Variants in PEAR1 observed in about 807,000 individuals in gnomAD.
PEAR1 encodes the protein multiple EGF-like domains protein 12.
PEAR1 carries 113 observed loss-of-function variants against 131.2 expected under a neutral mutation model. That is an observed-to-expected ratio of 0.86 (90% CI 0.74 to 1.01). The LOEUF (loss-of-function observed/expected upper bound fraction) is 1.01. Among genes scored for constraint, PEAR1 ranks in the 50% least tolerant of loss-of-function variants. The pLI, the probability that PEAR1 is intolerant of heterozygous loss-of-function variation, is 0.00. For synonymous variants in PEAR1, 565 were observed against 523.3 expected (o/e 1.08, Z -1.09); for missense variants, 1,408 against 1,391.1 (o/e 1.01, Z -0.19).
Position 156,913,488 on chromosome 1 carries a change from ACCG to A in PEAR1, c.2613_2615del (p.Arg872del). 1 of 1,613,182 alleles carries A rather than the reference ACCG, an allele frequency of 6.2e-7. No individual in the cohort carries two copies. Among genetic ancestry groups the A allele is most frequent in the Non-Finnish European group, 8.5e-7 (1 of 1,180,002 alleles). On this transcript the variant is annotated inframe_deletion, in exon 20 of 23. Coordinates refer to ENST00000292357, the MANE Select transcript of PEAR1 (RefSeq NM_001080471.3). ...ACCACCCTGCCTGCTGACTGGAAGC[ACCG>A]CCGGGAGCCCCCTCCAGGGCCTCTG...
At chr1:156,910,417 C>A in intron 14 of PEAR1, 37 bp downstream of exon 14, 1 of 1,562,878 alleles carries the variant, frequency 6.4e-7, no homozygotes, top group Non-Finnish European at 8.7e-7. Context: ...CTGCCACCAG[C>A]AGGGGGCAGT....
chr1:156,911,147 T>TCTTTC, intron 15 of PEAR1, among the ~76,000 whole-genome samples: 1 of 149,508 alleles, frequency 6.7e-6, no homozygotes, highest in African/African-American at 2.5e-5. Context: ...TTCTTTTCTT[T>TCTTTC]CTTTCTTTTT....
In PEAR1 at chr1:156,909,752, T is replaced by C. The variant is rs2103009214; in HGVS notation, c.1413T>C (p.Gly471=). ...PIDGECVCKE[G]WQRGNCSVPC... is the part of the protein sequence containing the mutation. Reference sequence around the variant, plus strand: ...CTACCTACCAGGCCCCTCCTCCAGGTTGGCAGCGTGGTAACTGCTCTGTGC... The same window carrying C: ...CTACCTACCAGGCCCCTCCTCCAGGCTGGCAGCGTGGTAACTGCTCTGTGC... The change falls in exon 12 of 23, where the codon GGT becomes GGC. Residue 471 remains glycine (G), a splice_region_variant and synonymous_variant. Transcript: ENST00000292357. 1 of 1,598,608 alleles carries C rather than the reference T, an allele frequency of 6.3e-7. No individual in the cohort carries two copies.
Position 156,906,713 on chromosome 1 carries a change from G to C in PEAR1, c.477G>C (p.Lys159Asn). ...GCAACAACAGCTCGTGTGATCCCAA[G>C]AGTGGGGTATGTTCTTGCCCTTCTG... Reference protein sequence around the residue: ...SCGNNSSCDPKSGVCSCPSGL... With the variant: ...SCGNNSSCDPNSGVCSCPSGL... The change falls in exon 6 of 23, where the codon AAG (lysine) becomes AAC (asparagine). Residue 159 changes from lysine (K) to asparagine (N), a missense_variant. Lys to Asn is a moderately conservative substitution (Grantham distance 94). Coordinates refer to ENST00000292357, the MANE Select transcript of PEAR1 (RefSeq NM_001080471.3). The C allele has an allele frequency of 6.2e-7, 1 of 1,614,226 alleles. No individual in the cohort carries two copies. Among genetic ancestry groups the C allele is most frequent in the Non-Finnish European group, 8.5e-7 (1 of 1,180,042 alleles).
intron 1 of PEAR1, among the ~76,000 whole-genome samples, chr1:156,898,568 G>A (rs1263735856): frequency 2.0e-5 from 3 of 152,200 alleles, no homozygotes; most frequent in Non-Finnish European, 4.4e-5. Context: ...CCCTGTGTAG[G>A]GAGGGAGGGG....
rs746147303 is a variant in PEAR1 at position 156,908,843 on chromosome 1, G to A, written c.1290+14G>A. 42 of 1,605,590 alleles carry A rather than the reference G, an allele frequency of 2.6e-5. No individual in the cohort carries two copies. Among genetic ancestry groups the A allele is most frequent in the Non-Finnish European group, 3.3e-5 (39 of 1,177,938 alleles). On this transcript the variant is annotated intron_variant, in intron 10 of 22. Coordinates refer to ENST00000292357, the MANE Select transcript of PEAR1 (RefSeq NM_001080471.3). This position sits in a 1 kb window ranked among gnomAD's most constrained non-coding sequence, Gnocchi z 4.2. ...CCGGGTTACACGGTGAGGCGCGCCC[G>A]GCTGCAAGGAAGCGAGGCAGGTGGA...
At position 156,913,901 on chromosome 1, in the gene PEAR1, T is replaced by C; in HGVS notation, c.2763T>C (p.Ser921=). 1 of 1,613,902 alleles carries C rather than the reference T, an allele frequency of 6.2e-7. No homozygotes were observed. The part of the protein sequence containing the change: ...ELGASVASLS[S]ENPYATIRDL... ...GGGCCAGTGTGGCTTCCCTGAGCAGTGAGAACCCATATGCCACCATCCGGG... is the reference window on the plus strand; with the variant it reads ...GGGCCAGTGTGGCTTCCCTGAGCAGCGAGAACCCATATGCCACCATCCGGG... Residue 921 remains serine, a synonymous_variant, in exon 22 of 23, where the codon AGT becomes AGC. Transcript: ENST00000292357.
Position 156,908,360 on chromosome 1 carries a change from G to A in PEAR1, c.1115+20G>A. 1.3e-6 allele frequency: 2 copies of A among 1,488,740 alleles called. No homozygotes were observed. Among genetic ancestry groups the A allele is most frequent in the African/African-American group, 1.4e-5 (1 of 72,424 alleles). The allele number at this position is 1,488,740 out of a possible 1,614,324, so 92.2% of individuals were successfully genotyped here. On this transcript the variant is annotated intron_variant, in intron 9 of 22. Coordinates refer to ENST00000292357, the MANE Select transcript of PEAR1 (RefSeq NM_001080471.3). The surrounding 1 kb of genome is among the most constrained non-coding windows in gnomAD (Gnocchi z 4.2). ...CCTCAGGTGGGCCGCGGGACATGTG[G>A]TCAAAGGATCAGGAGGCCAATGGGG... is the stretch of plus-strand genomic sequence containing the variant.
chr1:156,914,794 G>C lies in PEAR1; in HGVS notation c.3110G>C (p.Arg1037Pro). 6.2e-7 allele frequency: 1 copy of C among 1,613,552 alleles called. No individual in the cohort carries two copies. Among genetic ancestry groups the C allele is most frequent in the Non-Finnish European group, 8.5e-7 (1 of 1,179,696 alleles). ...TCACCTCCACTTCGACGCCAGGACC[G>C]TTGAGGAGCCAGGATGGTATGGCAG... ...PPSPPLRRQD[R>P] The change falls in exon 23 of 23, where the codon CGT (arginine) becomes CCT (proline). Residue 1037 changes from arginine (R) to proline (P), a missense_variant. Physicochemically the swap from Arg to Pro is moderately radical, Grantham distance 103. Coordinates refer to ENST00000292357, the MANE Select transcript of PEAR1 (RefSeq NM_001080471.3).
chr1:156,907,788 G>T, intron 7 of PEAR1, 58 bp downstream of exon 7: 1 of 1,573,008 alleles, frequency 6.4e-7, no homozygotes, highest in East Asian at 2.3e-5. Flanking sequence ...TTCTGTGGGT[G>T]GTGCTAAGCA....
At position 156,904,985 on chromosome 1, in the gene PEAR1, A is replaced by G. The variant is rs768964381; in HGVS notation, c.206+133A>G. ...CCTGGCTTCTAGGGATTCATTCTGC[A>G]TGGTCTGTGTCGGGTACGTGTGTAT... On this transcript the variant is annotated intron_variant, in intron 3 of 22. Coordinates refer to ENST00000292357, the MANE Select transcript of PEAR1 (RefSeq NM_001080471.3). 2.6e-6 allele frequency: 4 copies of G among 1,550,812 alleles called. No homozygotes were observed. The African/African-American group carries it at 5.5e-5, about 21-fold the overall frequency.
chr1:156,905,246 C>A, intron 3 of PEAR1, 78 bp from the exon 4 acceptor site: 1 of 1,460,268 alleles, frequency 6.8e-7, no homozygotes, highest in South Asian at 1.2e-5. Flanking sequence ...GGTGCCCCTT[C>A]CCTGGCCTCC....
chr1:156,912,515 G>T lies in PEAR1; in HGVS notation c.2102G>T (p.Gly701Val), dbSNP rs749081163. 75 of 1,613,736 alleles carry T rather than the reference G, an allele frequency of 4.6e-5. No homozygotes were observed. Among genetic ancestry groups the T allele is most frequent in the Non-Finnish European group, 5.9e-5 (70 of 1,179,984 alleles). Residue 701 changes from glycine to valine, a missense_variant, in exon 17 of 23, where the codon GGT becomes GTT. By Grantham distance (109) the Gly-to-Val change is moderately radical. Transcript: ENST00000292357. The stretch of plus-strand genomic sequence containing the variant: ...CCAGGCTGCCCTCTGGGGACATTTG[G>T]TGCTAACTGCTCCCAGCCATGCCAG... ...CLEGCPLGTF[G>V]ANCSQPCQCG... is the part of the protein sequence containing the mutation.
In PEAR1 at chr1:156,906,380, C is replaced by T; in HGVS notation, c.400+12C>T. On this transcript the variant is annotated intron_variant, in intron 5 of 22. Transcript: ENST00000292357. ...CGACTGTTCCAGTGGTGAGTGGCTA[C>T]TGACCCCAGGGAGTGGCCTCTTGTG... The T allele has an allele frequency of 1.2e-6, 2 of 1,614,008 alleles. No individual in the cohort carries two copies. The highest frequency in any genetic ancestry group is 1.1e-5 in the South Asian group (1 of 91,080).
rs762325882 is a variant in PEAR1, at chr1:156,906,891, G to C, written c.644+11G>C. The C allele has an allele frequency of 5.6e-6, 9 of 1,612,372 alleles. No homozygotes were observed. Among genetic ancestry groups the C allele is most frequent in the Non-Finnish European group, 6.8e-6 (8 of 1,179,168 alleles). The stretch of plus-strand genomic sequence containing the variant: ...GAGAACTGGGCCCAGGTATGTAATG[G>C]GGGGAACGACACTTTAACAAGATCG... On this transcript the variant is annotated intron_variant, in intron 6 of 22. Transcript: ENST00000292357.
chr1:156,912,497 G>T lies in PEAR1; in HGVS notation c.2084G>T (p.Cys695Phe). Residue 695 changes from cysteine (C) to phenylalanine (F), a missense_variant, in exon 17 of 23, where the codon TGC (cysteine) becomes TTC (phenylalanine). Coordinates refer to ENST00000292357, the MANE Select transcript of PEAR1 (RefSeq NM_001080471.3). ...GCCTCCTTGGCTGTCTCCCCAGGCTGCCCTCTGGGGACATTTGGTGCTAAC... is the reference window on the plus strand; with the variant it reads ...GCCTCCTTGGCTGTCTCCCCAGGCTTCCCTCTGGGGACATTTGGTGCTAAC... ...GWTGHHCLEG[C>F]PLGTFGANCS... 2 of 1,612,620 alleles carry T rather than the reference G, an allele frequency of 1.2e-6. No individual in the cohort carries two copies. Among genetic ancestry groups the T allele is most frequent in the Non-Finnish European group, 1.7e-6 (2 of 1,179,506 alleles).
At chr1:156,904,163 T>C in intron 2 of PEAR1, 136 bp downstream of exon 2, 3 of 700,850 alleles carry the variant, frequency 4.3e-6, no homozygotes, top group Non-Finnish European at 7.3e-6. Flanking sequence ...CCCGCCTATT[T>C]CTCTGTTTCT....
rs200494787 is a variant in PEAR1, at chr1:156,914,599, G to C, written c.2963-48G>C. On this transcript the variant is annotated intron_variant, in intron 22 of 22. Coordinates refer to ENST00000292357, the MANE Select transcript of PEAR1 (RefSeq NM_001080471.3). ...GCAGTGGGAGTGGAGGGAGTGGGGA[G>C]AGTGGTGGGAGGAGCCACTCCCTCT... is the stretch of plus-strand genomic sequence containing the variant. 1.0e-4 allele frequency: 163 copies of C among 1,560,220 alleles called. No individual in the cohort carries two copies. The Middle Eastern group carries it at 3.6e-3, about 34-fold the overall frequency.
chr1:156,905,510 C>A (rs527644985), intron 4 of PEAR1, 86 bp downstream of exon 4: 2 of 1,218,270 alleles, frequency 1.6e-6, no homozygotes, highest in African/African-American at 1.5e-5. Flanking sequence ...TCCCGGCCCC[C>A]GCTAGAATGG....
Sources: gnomAD v4.1 joint callset for allele counts (sites outside exome capture counted in the v4.1 genomes callset) on GRCh38, gnomAD v4.1.1 for gene constraint, Gnocchi (gnomAD v3.1) non-coding constraint, MANE v1.5 for transcripts, NCBI Gene and HGNC (gene_info 2026-07-23, HGNC 2026-07-21) for gene names.